Variants in UGT1A3 observed in about 807,000 individuals in gnomAD.
The protein encoded by UGT1A3 is UDP glucuronosyltransferase family 1 member A3.
In UGT1A3, 31 loss-of-function variants were observed where a neutral mutation model predicts 41.0. That is an observed-to-expected ratio of 0.76 (90% CI 0.57 to 1.02). The LOEUF (loss-of-function observed/expected upper bound fraction) is 1.02, where lower values mean the gene tolerates loss of function less well. UGT1A3 is among the 50% of genes least tolerant of loss of function. The pLI is 0.00. For missense variants in UGT1A3, 737 were observed against 671.0 expected, an observed-to-expected ratio of 1.10 and a Z score of -1.09; for synonymous variants, 262 against 257.6, an observed-to-expected ratio of 1.02 and a Z score of -0.17.
Position 233,769,502 on chromosome 2 carries a change from T to C in UGT1A3, c.1307+1063T>C, listed in dbSNP as rs1443648635. The C allele has an allele frequency of 1.2e-6, 2 of 1,612,762 alleles. No individual in the cohort carries two copies. On this transcript the variant is annotated intron_variant, in intron 4 of 4. Transcript: ENST00000482026. The surrounding 1 kb of genome is among the most constrained non-coding windows in gnomAD (Gnocchi z 4.4). Reference sequence around the variant, plus strand: ...GTGCGTGTGTTTATGAGAGTGTCCATTGCTTTCTCCCATGGTTACCTCCTT... The same window carrying C: ...GTGCGTGTGTTTATGAGAGTGTCCACTGCTTTCTCCCATGGTTACCTCCTT...
At chr2:233,732,755 GT>G (rs956485327) in intron 1 of UGT1A3, among the ~76,000 whole-genome samples, 12,936 of 120,072 alleles carry the variant, frequency 0.11, 575 homozygotes, top group East Asian at 0.2. Context: ...CACCAGCTTT[GT>G]TTTTTTTTTT....
In UGT1A3 at chr2:233,729,197, C is replaced by A; in HGVS notation, c.71C>A (p.Pro24His). The change falls in exon 1 of 5, where the codon CCC becomes CAC. Residue 24 changes from proline (P) to histidine (H), a missense_variant. Pro to His is a moderately conservative substitution (Grantham distance 77, BLOSUM62 -2). Transcript: ENST00000482026. ...CTGCTGCTTCTCCTCAGTGTCCAGC[C>A]CTGGGCTGAGAGTGGAAAGGTGTTG... ...TGLLLLLSVQ[P>H]WAESGKVLVV... is the part of the protein sequence containing the mutation. 6.2e-7 allele frequency: 1 copy of A among 1,614,002 alleles called. No individual in the cohort carries two copies. Among genetic ancestry groups the A allele is most frequent in the Non-Finnish European group, 8.5e-7 (1 of 1,179,930 alleles).
At chr2:233,736,043 T>C (rs984870391) in intron 1 of UGT1A3, among the ~76,000 whole-genome samples, 7 of 152,202 alleles carry the variant, frequency 4.6e-5, no homozygotes, top group South Asian at 2.1e-4. Context: ...TTTCCTGAAT[T>C]TGAATGTTGG....
intron 1 of UGT1A3, among the ~76,000 whole-genome samples, chr2:233,745,899 C>T (rs1385989296): frequency 1.3e-5 from 2 of 151,320 alleles, no homozygotes; most frequent in Non-Finnish European, 2.9e-5. Context: ...TGGCGTTTTT[C>T]AGGGAGCAGC....
intron 1 of UGT1A3, among the ~76,000 whole-genome samples, chr2:233,766,184 T>A (rs1169450089): frequency 6.6e-6 from 1 of 152,052 alleles, no homozygotes; most frequent in Non-Finnish European, 1.5e-5. Context: ...ATTGAGTGGA[T>A]GTAGCTCTCA....
chr2:233,769,480 CGT>C lies in UGT1A3; in HGVS notation c.1307+1046_1307+1047del. 6.3e-7 allele frequency: 1 copy of C among 1,596,850 alleles called. No individual in the cohort carries two copies. Among genetic ancestry groups the C allele is most frequent in the East Asian group, 2.2e-5 (1 of 44,628 alleles). ...ATTCATATGCGTGTGTGTGTGTGTG[CGT>C]GTGTTTATGAGAGTGTCCATTGCTT... On this transcript the variant is annotated intron_variant, in intron 4 of 4. Transcript: ENST00000482026. The surrounding 1 kb of genome is among the most constrained non-coding windows in gnomAD (Gnocchi z 4.4).
rs34526305 is a variant in UGT1A3 at position 233,760,428 on chromosome 2, C to T, written c.868-6606C>T. The T allele has an allele frequency of 1.7e-3, 2,732 of 1,614,194 alleles. 18 individuals carry two copies. Among genetic ancestry groups the T allele is most frequent in the Middle Eastern group, 9.2e-3 (56 of 6,062 alleles). ...ACTGGCTGAGCATGCTTGGGGCCAT[C>T]CAGCAGCTGCAGCAGAGGGGACATG... On this transcript the variant is annotated intron_variant, in intron 1 of 4. Coordinates refer to ENST00000482026, the MANE Select transcript of UGT1A3 (RefSeq NM_019093.4).
chr2:233,769,913 C>T lies in UGT1A3; in HGVS notation c.1307+1474C>T, dbSNP rs1699980310. 1.3e-5 allele frequency: 4 copies of T among 297,694 alleles called. No homozygotes were observed. The highest frequency in any genetic ancestry group is 6.9e-5 in the East Asian group (1 of 14,586). 18.4% of individuals were successfully genotyped at this position (297,694 alleles called of 1,614,324 possible). ...TAACCTGAGCATCATGTGCCCAGAG[C>T]GTTGGGTGGTGTGGTCCCATTCCTT... On this transcript the variant is annotated intron_variant, in intron 4 of 4. Transcript: ENST00000482026. The surrounding 1 kb of genome is among the most constrained non-coding windows in gnomAD (Gnocchi z 4.4).
At chr2:233,747,175 C>G in intron 1 of UGT1A3, 1 of 1,599,222 alleles carries the variant, frequency 6.3e-7, no homozygotes, top group Non-Finnish European at 8.5e-7. Flanking sequence ...GGAGGCACAG[C>G]GTGGGGTGGA....
In UGT1A3 at chr2:233,740,517, A is replaced by G. The variant is rs139363796; in HGVS notation, c.867+10524A>G. On this transcript the variant is annotated intron_variant, in intron 1 of 4. Transcript: ENST00000482026. ...CTTTCCAGTGTGTGATGTAAGCTGA[A>G]CTAAAATCAGCTGTGTTGAACTCCA... 1.6e-4 allele frequency among the ~76,000 whole-genome samples: 25 copies of G among 152,030 alleles called. No individual in the cohort carries two copies. The East Asian group carries it at 4.2e-3, about 26-fold the overall frequency.
chr2:233,767,956 T>G lies in UGT1A3; in HGVS notation c.1087+20T>G, dbSNP rs745426586. The G allele has an allele frequency of 3.1e-6, 5 of 1,614,074 alleles. No individual in the cohort carries two copies. The East Asian group carries it at 8.9e-5, about 29-fold the overall frequency. On this transcript the variant is annotated intron_variant, in intron 3 of 4. Transcript: ENST00000482026. ...TGCTTGGTATGTTGGGCGGATTGGATGTATAGGTCAAACCAGGGTCAAATT... is the reference window on the plus strand; with the variant it reads ...TGCTTGGTATGTTGGGCGGATTGGAGGTATAGGTCAAACCAGGGTCAAATT...
At chr2:233,736,503 C>T (rs924355972) in intron 1 of UGT1A3, among the ~76,000 whole-genome samples, 2 of 152,196 alleles carry the variant, frequency 1.3e-5, no homozygotes, top group African/African-American at 2.4e-5. Context: ...CTTCTGAAGC[C>T]TACTTCTGTC....
chr2:233,729,824 G>C lies in UGT1A3; in HGVS notation c.698G>C (p.Ser233Thr). Residue 233 changes from serine (S) to threonine (T), a missense_variant, in exon 1 of 5, where the codon AGC (serine) becomes ACC (threonine). Ser to Thr is a moderately conservative substitution (Grantham distance 58). Coordinates refer to ENST00000482026, the MANE Select transcript of UGT1A3 (RefSeq NM_019093.4). ...ICHAFSAPYA[S>T]LASELFQREV... The stretch of plus-strand genomic sequence containing the variant: ...CATGCTTTTTCTGCTCCTTATGCAA[G>C]CCTTGCCTCTGAGCTTTTTCAGAGA... 1 of 1,613,884 alleles carries C rather than the reference G, an allele frequency of 6.2e-7. No homozygotes were observed. The highest frequency in any genetic ancestry group is 1.1e-5 in the South Asian group (1 of 91,068).
At chr2:233,758,681 T>C (rs543730611) in intron 1 of UGT1A3, among the ~76,000 whole-genome samples, 2 of 152,218 alleles carry the variant, frequency 1.3e-5, no homozygotes, top group Admixed American at 6.5e-5. Context: ...ATATGTCCCA[T>C]AGGACACCAA....
Position 233,756,181 on chromosome 2 carries a change from G to A in UGT1A3, c.868-10853G>A, listed in dbSNP as rs998894236. 3.9e-5 allele frequency: 6 copies of A among 152,158 alleles called. No homozygotes were observed. In the South Asian group the frequency reaches 6.2e-4, roughly 16 times the overall value. The allele number at this position is 152,158 out of a possible 1,614,324, so 9.4% of individuals were successfully genotyped here. ...TTTCCTGGCTCATACTTTGAGAATC[G>A]CTAGTCTAGCAGAGTAGTCCCTGGT... is the stretch of plus-strand genomic sequence containing the variant. On this transcript the variant is annotated intron_variant, in intron 1 of 4. Coordinates refer to ENST00000482026, the MANE Select transcript of UGT1A3 (RefSeq NM_019093.4).
chr2:233,772,314 G>C lies in UGT1A3; in HGVS notation c.1360G>C (p.Glu454Gln), dbSNP rs1312404188. 1.9e-6 allele frequency: 3 copies of C among 1,614,222 alleles called. No homozygotes were observed. In the East Asian group the frequency reaches 6.7e-5, roughly 36 times the overall value. The change falls in exon 5 of 5, where the codon GAG becomes CAG. Residue 454 changes from glutamate (E) to glutamine (Q), a missense_variant. Coordinates refer to ENST00000482026, the MANE Select transcript of UGT1A3 (RefSeq NM_019093.4). ...LSSLHKDRPV[E>Q]PLDLAVFWVE... Reference sequence around the variant, plus strand: ...CAGCCTTCACAAGGACCGCCCGGTGGAGCCGCTGGACCTGGCCGTGTTCTG... The same window carrying C: ...CAGCCTTCACAAGGACCGCCCGGTGCAGCCGCTGGACCTGGCCGTGTTCTG...
intron 1 of UGT1A3, among the ~76,000 whole-genome samples, chr2:233,757,557 T>C (rs1380539575): frequency 8.0e-6 from 1 of 124,464 alleles, no homozygotes; most frequent in Non-Finnish European, 1.7e-5. Context: ...TATATATATA[T>C]ATATGTATAT....
chr2:233,772,866 T>C lies in UGT1A3; in HGVS notation c.*307T>C. ...TTTTCTTACTCTGAAACATGGCCTGTTTGGGAGTGCGGGATTCAAAGGTGG... is the reference window on the plus strand; with the variant it reads ...TTTTCTTACTCTGAAACATGGCCTGCTTGGGAGTGCGGGATTCAAAGGTGG... On this transcript the variant is annotated 3_prime_UTR_variant, in exon 5 of 5. Transcript: ENST00000482026. 1 of 650,978 alleles carries C rather than the reference T, an allele frequency of 1.5e-6. No homozygotes were observed. The highest frequency in any genetic ancestry group is 2.3e-6 in the Non-Finnish European group (1 of 438,192). 40.3% of individuals were successfully genotyped at this position (650,978 alleles called of 1,614,324 possible). A position where few individuals can be genotyped will look rare whatever the true frequency, so the allele number is the denominator to read the frequency against.
chr2:233,750,083 G>A lies in UGT1A3; in HGVS notation c.868-16951G>A, dbSNP rs773064536. ...TGGAACTGGGTAACAGGCAGAGGTT[G>A]GAACAGTTTGGAGAGCTCAGAAGAA... is the stretch of plus-strand genomic sequence containing the variant. On this transcript the variant is annotated intron_variant, in intron 1 of 4. Transcript: ENST00000482026. Among the ~76,000 whole-genome samples the A allele has an allele frequency of 4.8e-4, 73 of 151,992 alleles. 1 individual carries two copies. The highest frequency in any genetic ancestry group is 9.7e-4 in the Non-Finnish European group (66 of 68,038).
Sources: gnomAD v4.1 joint callset for allele counts (sites outside exome capture counted in the v4.1 genomes callset) on GRCh38, gnomAD v4.1.1 for gene constraint, Gnocchi (gnomAD v3.1) non-coding constraint, MANE v1.5 for transcripts, NCBI Gene and HGNC (gene_info 2026-07-23, HGNC 2026-07-21) for gene names.